Variants in EIF3L observed in about 807,000 individuals in gnomAD.
EIF3L encodes eIEF associated protein HSPC021.
In EIF3L, 32 loss-of-function variants were observed where a neutral mutation model predicts 74.6. The ratio of observed to expected loss-of-function variants is 0.43; its 90% confidence interval spans 0.32 to 0.58. The LOEUF is 0.58. Among genes scored for constraint, EIF3L ranks in the 20% least tolerant of loss-of-function variants. The pLI is 0.06. For missense variants in EIF3L, 474 were observed against 707.8 expected (o/e 0.67, Z 3.75); for synonymous variants, 256 against 254.4 (o/e 1.01, Z -0.06).
chr22:37,873,282 A>C (rs1926570355), intron 8 of EIF3L, among the ~76,000 whole-genome samples: 1 of 146,626 alleles, frequency 6.8e-6, no homozygotes, highest in Non-Finnish European at 1.5e-5. Flanking sequence ...AGCTGCGCTC[A>C]GTTGCGTATC....
chr22:37,883,431 A>G (rs979825274), intron 11 of EIF3L: 3 of 150,932 alleles, frequency 2.0e-5, no homozygotes, highest in Non-Finnish European at 2.9e-5. Context: ...AATACAAAAA[A>G]TTAACCGGGC....
At chr22:37,857,954 G>A (rs1233313244) in intron 4 of EIF3L, among the ~76,000 whole-genome samples, 1 of 152,042 alleles carries the variant, frequency 6.6e-6, no homozygotes, top group African/African-American at 2.4e-5. Context: ...AGGATTTCTT[G>A]AGGCTGGGAG....
In EIF3L at chr22:37,886,905, G is replaced by C. The variant is rs761175610; in HGVS notation, c.1656+60G>C. 2.9e-6 allele frequency: 4 copies of C among 1,366,934 alleles called. No individual in the cohort carries two copies. The African/African-American group carries it at 5.8e-5, about 20-fold the overall frequency. The allele number at this position is 1,366,934 out of a possible 1,614,324, so 84.7% of individuals were successfully genotyped here. A position where few individuals can be genotyped will look rare whatever the true frequency, so the allele number is the denominator to read the frequency against. On this transcript the variant is annotated intron_variant, in intron 12 of 12. Transcript: ENST00000652021. ...CAGGACAGAGCTTAGGAACTGAATC[G>C]AGAGTTTACTTTTTTTTAATTTTTA...
intron 1 of EIF3L, chr22:37,849,691 C>T (rs769695492): frequency 1.6e-6 from 1 of 626,372 alleles, no homozygotes; most frequent in African/African-American, 1.8e-5. Context: ...TTGTCCTTCC[C>T]CTTTCTAAGA....
At chr22:37,868,659 T>TTTTTTTTA (rs1926307359) in intron 7 of EIF3L, among the ~76,000 whole-genome samples, 1 of 114,396 alleles carries the variant, frequency 8.7e-6, no homozygotes, top group Non-Finnish European at 1.7e-5. Flanking sequence ...TTTTTTTTTT[T>TTTTTTTTA]GAGACGGAGT....
In EIF3L at chr22:37,888,636, T is replaced by C; in HGVS notation, c.*172T>C. 2 of 655,510 alleles carry C rather than the reference T, an allele frequency of 3.1e-6. No homozygotes were observed. Among genetic ancestry groups the C allele is most frequent in the Non-Finnish European group, 2.7e-6 (1 of 375,806 alleles). The allele number at this position is 655,510 out of a possible 1,614,324, so 40.6% of individuals were successfully genotyped here. A position where few individuals can be genotyped will look rare whatever the true frequency, so the allele number is the denominator to read the frequency against. ...TAAAGGATCTTTGGAGCCAGATTTG[T>C]CGTCTCATTATTGTAGGAGAGAATT... On this transcript the variant is annotated 3_prime_UTR_variant, in exon 13 of 13. Transcript: ENST00000652021.
At chr22:37,884,457 C>T (rs1415866540) in intron 11 of EIF3L, 1 of 151,932 alleles carries the variant, frequency 6.6e-6, no homozygotes, top group African/African-American at 2.4e-5. Context: ...ATTTCTAGGT[C>T]AGTTTGGGTA....
At chr22:37,850,355 A>G (rs1024786457) in intron 2 of EIF3L, among the ~76,000 whole-genome samples, 3 of 151,412 alleles carry the variant, frequency 2.0e-5, no homozygotes, top group Non-Finnish European at 4.4e-5. Context: ...TGTTTTTGAG[A>G]TGGAGTTTCC....
Position 37,864,041 on chromosome 22 carries a change from G to T in EIF3L, c.579+696G>T, listed in dbSNP as rs550604556. On this transcript the variant is annotated intron_variant, in intron 7 of 12. Coordinates refer to ENST00000652021, the MANE Select transcript of EIF3L (RefSeq NM_016091.4). ...GATCGTGCCACTGCACTCCAGCCTG[G>T]TAACAGTGCAAGACTCCATCTCAAA... Among the ~76,000 whole-genome samples, 201 of 151,702 alleles carry T rather than the reference G, an allele frequency of 1.3e-3. 1 individual carries two copies. Among genetic ancestry groups the T allele is most frequent in the African/African-American group, 4.5e-3 (187 of 41,344 alleles).
Position 37,877,888 on chromosome 22 carries a change from T to A in EIF3L, c.1292T>A (p.Val431Glu). ...LSPVVPNYDN[V>E]HPNYHKEPFL... ...CCTGTAGTGCCCAACTATGATAATG[T>A]GCACCCCAACTACCACAAAGAGCCC... Residue 431 changes from valine (V) to glutamate (E), a missense_variant, in exon 11 of 13, where the codon GTG becomes GAG. Physicochemically the swap from Val to Glu is moderately radical, Grantham distance 121. Around this residue, in one of 4 missense-constraint regions of EIF3L, gnomAD observed 293 missense variants for 469.1 expected, o/e 0.62. Transcript: ENST00000652021. 1 of 1,613,214 alleles carries A rather than the reference T, an allele frequency of 6.2e-7. No homozygotes were observed. The highest frequency in any genetic ancestry group is 8.5e-7 in the Non-Finnish European group (1 of 1,179,854).
At chr22:37,865,806 A>T (rs1396790271) in intron 7 of EIF3L, among the ~76,000 whole-genome samples, 3 of 152,248 alleles carry the variant, frequency 2.0e-5, no homozygotes, top group Non-Finnish European at 4.4e-5. Context: ...ATAGATGAAT[A>T]GCAGTCTTTT....
intron 4 of EIF3L, among the ~76,000 whole-genome samples, chr22:37,856,874 G>T (rs1280082806): frequency 6.7e-6 from 1 of 150,346 alleles, no homozygotes; most frequent in Non-Finnish European, 1.5e-5. Flanking sequence ...AAGAAATTGG[G>T]AATTGGTAAG....
chr22:37,858,726 T>C lies in EIF3L; in HGVS notation c.421T>C (p.Tyr141His), dbSNP rs756377025. The C allele has an allele frequency of 3.7e-6, 6 of 1,605,900 alleles. No homozygotes were observed. The highest frequency in any genetic ancestry group is 5.1e-6 in the Non-Finnish European group (6 of 1,177,858). The stretch of plus-strand genomic sequence containing the variant: ...CAAAGAATTATACTACAGGCACATA[T>C]ATGCCAAAGTCAGTGTAAGTATTTA... ...LYKELYYRHIYAKVSGGPSLE... is the reference protein window; with the variant it reads ...LYKELYYRHIHAKVSGGPSLE... Residue 141 changes from tyrosine to histidine, a missense_variant, in exon 5 of 13, where the codon TAT (tyrosine) becomes CAT (histidine). By Grantham distance (83) the Tyr-to-His change is moderately conservative. This residue lies in a region of EIF3L where 141 missense variants were observed against 197.7 expected (regional missense o/e 0.71). Coordinates refer to ENST00000652021, the MANE Select transcript of EIF3L (RefSeq NM_016091.4).
chr22:37,865,155 G>A (rs1256001142), intron 7 of EIF3L, among the ~76,000 whole-genome samples: 2 of 152,088 alleles, frequency 1.3e-5, no homozygotes, highest in Admixed American at 6.6e-5. Context: ...CCAGGAGTTC[G>A]AGAAATAGAG....
chr22:37,874,346 A>G (rs143048373), intron 8 of EIF3L, 24 bp from the exon 9 acceptor site: 1 of 1,610,906 alleles, frequency 6.2e-7, no homozygotes, highest in African/African-American at 1.3e-5. Flanking sequence ...TCCTATCAGT[A>G]TTCACGGTGT....
Position 37,859,530 on chromosome 22 carries a change from T to C in EIF3L, c.435+790T>C, listed in dbSNP as rs940265895. 1.4e-4 allele frequency among the ~76,000 whole-genome samples: 21 copies of C among 151,730 alleles called. 1 individual carries two copies. Among genetic ancestry groups the C allele is most frequent in the East Asian group, 2.0e-4 (1 of 5,054 alleles). On this transcript the variant is annotated intron_variant, in intron 5 of 12. Transcript: ENST00000652021. ...CTGAGTAGCTGGGATTGCAGGTGCCTGCCACCACACCTGGCTAATTTTTTT... is the reference window on the plus strand; with the variant it reads ...CTGAGTAGCTGGGATTGCAGGTGCCCGCCACCACACCTGGCTAATTTTTTT...
intron 3 of EIF3L, among the ~76,000 whole-genome samples, chr22:37,852,542 G>C (rs1243899235): frequency 6.6e-6 from 1 of 152,192 alleles, no homozygotes; most frequent in Non-Finnish European, 1.5e-5. Context: ...TAGAATTTAA[G>C]CAAGTCAGAA....
chr22:37,877,866 G>A lies in EIF3L; in HGVS notation c.1270G>A (p.Val424Ile), dbSNP rs758301717. The change falls in exon 11 of 13, where the codon GTA (valine) becomes ATA (isoleucine). Residue 424 changes from valine (V) to isoleucine (I), a missense_variant. Val to Ile is a conservative substitution (Grantham distance 29). Coordinates refer to ENST00000652021, the MANE Select transcript of EIF3L (RefSeq NM_016091.4). ...SYSCPKFLSP[V>I]VPNYDNVHPN... ...CTCCTGCCCCAAGTTCCTGTCGCCT[G>A]TAGTGCCCAACTATGATAATGTGCA... The A allele has an allele frequency of 1.9e-6, 3 of 1,613,508 alleles. No individual in the cohort carries two copies. The highest frequency in any genetic ancestry group is 1.7e-5 in the Admixed American group (1 of 59,976).
chr22:37,884,625 T>G (rs1300206021), intron 11 of EIF3L: 1 of 152,184 alleles, frequency 6.6e-6, no homozygotes, highest in Admixed American at 6.5e-5. Context: ...TCCAGTGTTT[T>G]AAATCATGCT....
Sources: gnomAD v4.1 joint callset for allele counts (sites outside exome capture counted in the v4.1 genomes callset) on GRCh38, gnomAD v4.1.1 for gene constraint, gnomAD v4.1.1 regional missense constraint, MANE v1.5 for transcripts, NCBI Gene and HGNC (gene_info 2026-07-23, HGNC 2026-07-21) for gene names.